ATXN2L: variants seen among roughly 807,000 people sequenced by gnomAD.
The protein encoded by ATXN2L is ataxin-2-like protein.
A neutral mutation model predicts 120.7 loss-of-function variants in ATXN2L; 24 were observed. The observed-to-expected ratio is 0.20, with a 90% CI of 0.14 to 0.28. The LOEUF is 0.28. Among genes scored for constraint, ATXN2L ranks in the 10% least tolerant of loss-of-function variants. The probability of loss-of-function intolerance (pLI) is 1.00; values close to 1 mark genes in which losing one functional copy is unlikely to be tolerated. For missense variants in ATXN2L, 1,312 were observed against 1,432.3 expected, an observed-to-expected ratio of 0.92 and a Z score of 1.36; for synonymous variants, 653 against 568.1, an observed-to-expected ratio of 1.15 and a Z score of -2.13.
In ATXN2L at chr16:28,832,490, G is replaced by C. The variant is rs201970834; in HGVS notation, c.1517-6G>C. The C allele has an allele frequency of 8.0e-5, 129 of 1,613,814 alleles. 1 individual carries two copies. The Middle Eastern group carries it at 9.9e-4, about 12-fold the overall frequency. The stretch of plus-strand genomic sequence containing the variant: ...GACCTTTAGGCATTTCTCTTTACTT[G>C]AACAGTAAAAGAACTCTCTACCAAG... On this transcript the variant is annotated splice_region_variant and splice_polypyrimidine_tract_variant and intron_variant, in intron 11 of 21. Coordinates refer to ENST00000336783, the MANE Select transcript of ATXN2L (RefSeq NM_007245.4).
At chr16:28,826,638 TG>T in intron 5 of ATXN2L, 1 of 628,518 alleles carries the variant, frequency 1.6e-6, no homozygotes, top group Non-Finnish European at 2.6e-6. Context: ...TTTCTTTGCT[TG>T]GTTTTTAACT....
intron 6 of ATXN2L, among the ~76,000 whole-genome samples, chr16:28,827,187 A>G (rs886665539): frequency 3.1e-4 from 47 of 152,156 alleles, no homozygotes; most frequent in African/African-American, 1.1e-3. Context: ...TAATCCCAGC[A>G]CTTTGGGAGG....
chr16:28,826,946 G>A lies in ATXN2L; in HGVS notation c.701G>A (p.Gly234Asp). The change falls in exon 6 of 22, where the codon GGT becomes GAT. Residue 234 changes from glycine (G) to aspartate (D), a missense_variant. Physicochemically the swap from Gly to Asp is moderately conservative, Grantham distance 94. Coordinates refer to ENST00000336783, the MANE Select transcript of ATXN2L (RefSeq NM_007245.4). ...AAGGTGCTTCAGCGCTGGGAGGGGGGTGACAGCAACAGCGACGACTATGAC... is the reference window on the plus strand; with the variant it reads ...AAGGTGCTTCAGCGCTGGGAGGGGGATGACAGCAACAGCGACGACTATGAC... The part of the protein sequence containing the change: ...KEKVLQRWEG[G>D]DSNSDDYDLE... 6.3e-7 allele frequency: 1 copy of A among 1,584,826 alleles called. No homozygotes were observed. The highest frequency in any genetic ancestry group is 8.6e-7 in the Non-Finnish European group (1 of 1,161,852).
intron 5 of ATXN2L, 119 bp from the exon 6 acceptor site, chr16:28,826,743 G>T (rs117657326): frequency 2.4e-6 from 3 of 1,266,056 alleles, no homozygotes; most frequent in South Asian, 1.9e-5. Flanking sequence ...ACGGGCACAC[G>T]TACTCTGGAC....
intron 15 of ATXN2L, 135 bp from the exon 16 acceptor site, chr16:28,833,930 G>A (rs12444171): frequency 0.36 from 374,988 of 1,028,990 alleles, 71,841 homozygotes; most frequent in Admixed American, 0.44. Flanking sequence ...AGGGTTTAAT[G>A]TGAGGCTTTA....
In ATXN2L at chr16:28,825,341, A is replaced by C. The variant is rs1567397028; in HGVS notation, c.300-25A>C. On this transcript the variant is annotated intron_variant, in intron 1 of 21. Transcript: ENST00000336783. ...GTCTAAGAGGGCTTGAACAGACTTA[A>C]GTAATTTCTTGTTTTCTTTTATAGG... 8 of 1,612,862 alleles carry C rather than the reference A, an allele frequency of 5.0e-6. No individual in the cohort carries two copies. In the South Asian group the frequency reaches 8.8e-5, roughly 18 times the overall value.
In ATXN2L at chr16:28,825,368, G is replaced by A; in HGVS notation, c.302G>A (p.Gly101Glu). 6.2e-7 allele frequency: 1 copy of A among 1,613,906 alleles called. No homozygotes were observed. The highest frequency in any genetic ancestry group is 8.5e-7 in the Non-Finnish European group (1 of 1,179,894). The change falls in exon 2 of 22, where the codon GGA (glycine) becomes GAA (glutamate). Residue 101 changes from glycine to glutamate, a missense_variant and splice_region_variant. Transcript: ENST00000336783. Reference protein sequence around the residue: ...PGAAAIGSARGQSTGKGPPQS... With the variant: ...PGAAAIGSAREQSTGKGPPQS... ...TAATTTCTTGTTTTCTTTTATAGGG[G>A]ACAGAGCACAGGAAAGGGACCCCCA...
intron 6 of ATXN2L, among the ~76,000 whole-genome samples, chr16:28,828,001 C>T (rs920628239): frequency 1.3e-5 from 2 of 152,182 alleles, no homozygotes; most frequent in Non-Finnish European, 2.9e-5. Context: ...TTTCGAACTT[C>T]TCATGGTTGT....
At chr16:28,834,930 C>G in intron 18 of ATXN2L, 128 bp from the exon 19 acceptor site, 3 of 1,309,388 alleles carry the variant, frequency 2.3e-6, no homozygotes, top group Non-Finnish European at 3.1e-6. Context: ...TGGGTGGGAT[C>G]GTTATGAATG....
At chr16:28,834,942 T>G in intron 18 of ATXN2L, 116 bp from the exon 19 acceptor site, 1 of 1,381,606 alleles carries the variant, frequency 7.2e-7, no homozygotes, top group Non-Finnish European at 9.8e-7. Flanking sequence ...TTATGAATGT[T>G]GAATCAATAG....
intron 10 of ATXN2L, 76 bp from the exon 11 acceptor site, chr16:28,832,129 C>A: frequency 6.7e-7 from 1 of 1,492,786 alleles, no homozygotes; most frequent in Non-Finnish European, 9.2e-7. Context: ...AACTTTCTTG[C>A]TGTTTTGAGT....
At chr16:28,832,934 A>T in intron 13 of ATXN2L, 47 bp downstream of exon 13, 1 of 1,606,728 alleles carries the variant, frequency 6.2e-7, no homozygotes, top group Non-Finnish European at 8.5e-7. Context: ...AGGGGTTGGG[A>T]GTGGTTCGTA....
chr16:28,833,955 G>T, intron 15 of ATXN2L, 110 bp from the exon 16 acceptor site: 1 of 1,263,236 alleles, frequency 7.9e-7, no homozygotes, highest in South Asian at 1.4e-5. Context: ...GATAAGTGCA[G>T]AATATGTTTG....
Position 28,832,695 on chromosome 16 carries a change from C to A in ATXN2L, c.1589-122C>A, listed in dbSNP as rs548216253. 3.5e-6 allele frequency: 5 copies of A among 1,408,962 alleles called. No individual in the cohort carries two copies. In the East Asian group the frequency reaches 1.1e-4, roughly 32 times the overall value. 87.3% of individuals were successfully genotyped at this position (1,408,962 alleles called of 1,614,324 possible). ...CAGTCCTTGGATTATAATTTCACTT[C>A]TGTGATCCTCAAGAGTTTCTCTTTT... On this transcript the variant is annotated intron_variant, in intron 12 of 21. Coordinates refer to ENST00000336783, the MANE Select transcript of ATXN2L (RefSeq NM_007245.4).
rs780085332 is a variant in ATXN2L at position 28,835,800 on chromosome 16, G to A, written c.2895+42G>A. 3.2e-5 allele frequency: 52 copies of A among 1,611,296 alleles called. No homozygotes were observed. The East Asian group carries it at 1.1e-3, about 33-fold the overall frequency. On this transcript the variant is annotated intron_variant, in intron 21 of 21. Transcript: ENST00000336783. ...CCCACTTCTGGGTCTGTTTGCCAGGGCCCGTCTGCCATGGGGACCATCCCA... is the reference window on the plus strand; with the variant it reads ...CCCACTTCTGGGTCTGTTTGCCAGGACCCGTCTGCCATGGGGACCATCCCA...
chr16:28,825,502 C>A, intron 2 of ATXN2L, 100 bp downstream of exon 2: 1 of 1,539,788 alleles, frequency 6.5e-7, no homozygotes, highest in Non-Finnish European at 9.0e-7. Context: ...CTAATGTACT[C>A]AGGAGGGCTG....
At position 28,837,030 on chromosome 16, in the gene ATXN2L, TC is replaced by T; in HGVS notation, c.*770del. 1.5e-6 allele frequency: 1 copy of T among 664,858 alleles called. No homozygotes were observed. Among genetic ancestry groups the T allele is most frequent in the African/African-American group, 1.8e-5 (1 of 56,042 alleles). The allele number at this position is 664,858 out of a possible 1,614,324, so 41.2% of individuals were successfully genotyped here. ...CTTGCCCTCCCATCCTCTCATCTAT[TC>T]CCCCGCTGGAGACGGAAGATCTTTT... is the stretch of plus-strand genomic sequence containing the variant. On this transcript the variant is annotated 3_prime_UTR_variant, in exon 22 of 22. Transcript: ENST00000336783.
In ATXN2L at chr16:28,823,524, G is replaced by T; in HGVS notation, c.265G>T (p.Glu89Ter). ...PQPPPPQQHQ[E>*]RPGAAAIGSA... ...GCCGCCGCCGCCGCAGCAACACCAG[G>T]AGAGGCCGGGGGCAGCCGCCATCGG... Residue 89 changes from glutamate (E) to a stop codon, truncating the protein, a stop_gained, in exon 1 of 22, where the codon GAG becomes TAG. Transcript: ENST00000336783. LOFTEE classifies it high-confidence loss of function. 2 of 1,391,180 alleles carry T rather than the reference G, an allele frequency of 1.4e-6. No homozygotes were observed. The highest frequency in any genetic ancestry group is 1.6e-5 in the South Asian group (1 of 64,424). The allele number at this position is 1,391,180 out of a possible 1,614,324, so 86.2% of individuals were successfully genotyped here.
chr16:28,826,531 T>TC, intron 5 of ATXN2L, 141 bp downstream of exon 5: 1 of 967,684 alleles, frequency 1.0e-6, no homozygotes, highest in Non-Finnish European at 1.5e-6. Flanking sequence ...GCCTTTTTTT[T>TC]CCTGAGCGAA....
Sources: gnomAD v4.1 joint callset for allele counts (sites outside exome capture counted in the v4.1 genomes callset) on GRCh38, gnomAD v4.1.1 for gene constraint, MANE v1.5 for transcripts, NCBI Gene and HGNC (gene_info 2026-07-23, HGNC 2026-07-21) for gene names.